Variants in THEMIS observed in about 807,000 individuals in gnomAD.
THEMIS encodes thymocyte selection associated.
A neutral mutation model predicts 52.6 loss-of-function variants in THEMIS; 37 were observed. The ratio of observed to expected loss-of-function variants is 0.70; its 90% CI spans 0.54 to 0.93. The LOEUF (loss-of-function observed/expected upper bound fraction) is 0.93. Ranked by LOEUF, THEMIS falls within the 40% of genes least tolerant of loss-of-function variation. The pLI, the probability that THEMIS is intolerant of heterozygous loss-of-function variation, is 0.00. For missense variants in THEMIS, 808 were observed against 763.1 expected (o/e 1.06, Z -0.69); for synonymous variants, 292 against 272.7 (o/e 1.07, Z -0.70).
At chr6:127,858,420 T>A (rs1779688545) in intron 1 of THEMIS, among the ~76,000 whole-genome samples, 1 of 152,104 alleles carries the variant, frequency 6.6e-6, no homozygotes, top group South Asian at 2.1e-4. Context: ...AAGAAAGTGT[T>A]CAGAGATGTC....
chr6:127,916,786 C>A (rs77920324), intron 1 of THEMIS, among the ~76,000 whole-genome samples: 3 of 152,132 alleles, frequency 2.0e-5, no homozygotes, highest in Admixed American at 6.5e-5. Flanking sequence ...TTCTGTTGCT[C>A]ACAGCCAAGG....
intron 2 of THEMIS, among the ~76,000 whole-genome samples, chr6:127,832,775 A>ATTTTT (rs1251377975): frequency 2.2e-4 from 12 of 54,028 alleles, no homozygotes; most frequent in African/African-American, 2.9e-4. Context: ...GGATTGTCAG[A>ATTTTT]TCTTTTTTTT....
chr6:127,865,434 T>C (rs1779944877), intron 1 of THEMIS, among the ~76,000 whole-genome samples: 1 of 152,074 alleles, frequency 6.6e-6, no homozygotes, highest in Non-Finnish European at 1.5e-5. Flanking sequence ...TTACTAAATA[T>C]CATGTTTCAA....
chr6:127,870,020 G>T (rs1780107990), intron 1 of THEMIS, among the ~76,000 whole-genome samples: 1 of 152,144 alleles, frequency 6.6e-6, no homozygotes, highest in African/African-American at 2.4e-5. Context: ...AGAGTAAAGA[G>T]CTGGGTCTTA....
At chr6:127,711,268 G>A (rs1773972893) in intron 5 of THEMIS, among the ~76,000 whole-genome samples, 1 of 151,788 alleles carries the variant, frequency 6.6e-6, no homozygotes, top group African/African-American at 2.4e-5. Flanking sequence ...AATGTAAAAA[G>A]ACTAAAATTA....
chr6:127,742,356 AAAAAC>A (rs973372963), intron 4 of THEMIS, among the ~76,000 whole-genome samples: 3 of 150,340 alleles, frequency 2.0e-5, no homozygotes, highest in Non-Finnish European at 4.5e-5. Flanking sequence ...AAAAAAACAA[AAAAAC>A]AAAACAAAAC....
intron 1 of THEMIS, among the ~76,000 whole-genome samples, chr6:127,911,346 C>T (rs1212459892): frequency 6.6e-6 from 1 of 150,614 alleles, no homozygotes; most frequent in African/African-American, 2.5e-5. Context: ...CTGTCTTCTC[C>T]TTCATTTATT....
chr6:127,703,294 G>A (rs984674444), downstream of THEMIS, among the ~76,000 whole-genome samples: 26 of 152,088 alleles, frequency 1.7e-4, no homozygotes, highest in East Asian at 1.4e-3. Flanking sequence ...TGATCCGCCC[G>A]CCTTGGCCTC....
At chr6:127,766,718 G>T (rs1219870857) in intron 4 of THEMIS, among the ~76,000 whole-genome samples, 1 of 152,008 alleles carries the variant, frequency 6.6e-6, no homozygotes, top group Non-Finnish European at 1.5e-5. Flanking sequence ...AAGTATTTTT[G>T]TACTTAAACA....
chr6:127,819,668 A>T (rs1562279152), intron 3 of THEMIS, among the ~76,000 whole-genome samples: 1 of 152,186 alleles, frequency 6.6e-6, no homozygotes, highest in African/African-American at 2.4e-5. Context: ...ACCAACCTAG[A>T]ATTCTGCATC....
intron 1 of THEMIS, among the ~76,000 whole-genome samples, chr6:127,908,766 T>C (rs765338980): frequency 1.3e-5 from 2 of 152,146 alleles, no homozygotes; most frequent in South Asian, 2.1e-4. Context: ...AATATGTCTG[T>C]AGAAAGGGTA....
intron 1 of THEMIS, chr6:127,910,049 A>T (rs1162139073): frequency 6.6e-6 from 1 of 152,182 alleles, no homozygotes; most frequent in East Asian, 1.9e-4. Context: ...AGTAAAAAAA[A>T]ATCTCAAAGG....
chr6:127,906,142 T>C (rs1323509953), intron 1 of THEMIS, among the ~76,000 whole-genome samples: 2 of 151,470 alleles, frequency 1.3e-5, no homozygotes, highest in East Asian at 3.9e-4. Flanking sequence ...AATTTAGTTA[T>C]AAGTTTATAG....
At chr6:127,765,017 C>T (rs1482960094) in intron 4 of THEMIS, among the ~76,000 whole-genome samples, 1 of 151,868 alleles carries the variant, frequency 6.6e-6, no homozygotes, top group Non-Finnish European at 1.5e-5. Flanking sequence ...TACAGGAGAC[C>T]CTTACATTCT....
intron 4 of THEMIS, among the ~76,000 whole-genome samples, chr6:127,762,469 A>T (rs1284623903): frequency 6.6e-6 from 1 of 152,106 alleles, no homozygotes; most frequent in East Asian, 1.9e-4. Flanking sequence ...TCAGAAAAGA[A>T]ATCTAAAGCG....
intron 1 of THEMIS, among the ~76,000 whole-genome samples, chr6:127,907,337 A>ATTTTTTTTT (rs58472332): frequency 0.077 from 3,817 of 49,372 alleles, 1,094 homozygotes; most frequent in Non-Finnish European, 0.11. Flanking sequence ...TTAGGCTCGG[A>ATTTTTTTTT]TTTTTTTTTT....
rs900866609 is a variant in THEMIS at position 127,871,584 on chromosome 6, A to C, written c.92-16396T>G. Among the ~76,000 whole-genome samples the C allele has an allele frequency of 2.0e-5, 3 of 152,140 alleles. No homozygotes were observed. In the South Asian group the frequency reaches 6.2e-4, roughly 31 times the overall value. ...TACTAGCAACTCTGAAAAAGAAAAA[A>C]TGAGAAAAGACACAAATTATCAATA... On this transcript the variant is annotated intron_variant, in intron 1 of 5. Transcript: ENST00000368248.
chr6:127,829,042 A>T (rs558268001), intron 3 of THEMIS, among the ~76,000 whole-genome samples: 48 of 152,336 alleles, frequency 3.2e-4, no homozygotes, highest in Non-Finnish European at 6.5e-4. Context: ...AAAAAGAAAA[A>T]GACTGTCAGA....
chr6:127,744,258 G>A (rs150930064), intron 4 of THEMIS, among the ~76,000 whole-genome samples: 97 of 152,080 alleles, frequency 6.4e-4, no homozygotes, highest in African/African-American at 2.2e-3. Flanking sequence ...TTTTGTCTCT[G>A]TCAATTCCTC....
Sources: gnomAD v4.1 joint callset for allele counts (sites outside exome capture counted in the v4.1 genomes callset) on GRCh38, gnomAD v4.1.1 for gene constraint, MANE v1.5 for transcripts, NCBI Gene and HGNC (gene_info 2026-07-23, HGNC 2026-07-21) for gene names.